The following EIF3H variants were observed in gnomAD, a reference collection of about 807,000 sequenced individuals.
The protein encoded by EIF3H is eukaryotic translation initiation factor 3 subunit H, also known as eIF-3-gamma.
In EIF3H, 26 loss-of-function variants were observed where a neutral mutation model predicts 44.2. That is an observed-to-expected ratio of 0.59 (90% CI 0.43 to 0.82). The LOEUF (loss-of-function observed/expected upper bound fraction) is 0.82, where lower values mean the gene tolerates loss of function less well. EIF3H is among the 40% of genes least tolerant of loss of function. EIF3H has a pLI of 0.00. For synonymous variants in EIF3H, 166 were observed against 151.9 expected (o/e 1.09, Z -0.68); for missense variants, 359 against 432.8 (o/e 0.83, Z 1.51).
intron 2 of EIF3H, among the ~76,000 whole-genome samples, chr8:116,667,039 G>A (rs528728472): frequency 6.6e-6 from 1 of 152,274 alleles, no homozygotes; most frequent in South Asian, 2.1e-4. Flanking sequence ...ACCATACAAG[G>A]TGATAAGTAA....
intron 2 of EIF3H, among the ~76,000 whole-genome samples, chr8:116,698,309 C>A (rs748694604): frequency 6.6e-6 from 1 of 152,066 alleles, no homozygotes; most frequent in Non-Finnish European, 1.5e-5. Flanking sequence ...GTACAATTTT[C>A]CAGATACTCA....
At chr8:116,743,690 G>C (rs942891975) in intron 1 of EIF3H, among the ~76,000 whole-genome samples, 1 of 150,456 alleles carries the variant, frequency 6.6e-6, no homozygotes, top group Non-Finnish European at 1.5e-5. Flanking sequence ...CCCCAGAGGT[G>C]GAGGCTGCAG....
At chr8:116,694,043 C>T (rs914057826) in intron 2 of EIF3H, among the ~76,000 whole-genome samples, 1 of 152,132 alleles carries the variant, frequency 6.6e-6, no homozygotes, top group Non-Finnish European at 1.5e-5. Flanking sequence ...TTAAACATTC[C>T]TATAATACTC....
chr8:116,650,988 A>G (rs1193010360), intron 5 of EIF3H, among the ~76,000 whole-genome samples: 1 of 152,184 alleles, frequency 6.6e-6, no homozygotes, highest in Non-Finnish European at 1.5e-5. Flanking sequence ...GAAAGTGACT[A>G]GAGGCTGCCA....
intron 5 of EIF3H, among the ~76,000 whole-genome samples, chr8:116,651,624 G>A (rs900901568): frequency 4.7e-4 from 71 of 152,262 alleles, no homozygotes; most frequent in African/African-American, 1.6e-3. Flanking sequence ...GGAATCAAGT[G>A]CTTCTTTCAT....
rs1158091907 is a variant in EIF3H at position 116,714,457 on chromosome 8, G to A, written c.289+11559C>T. ...TTAAAATCTTCTGAGGCAGTAAGCA[G>A]GATTTGGTGTCTTTGTATCTTTTTT... is the stretch of plus-strand genomic sequence containing the variant. On this transcript the variant is annotated intron_variant, in intron 2 of 7. Coordinates refer to ENST00000521861, the MANE Select transcript of EIF3H (RefSeq NM_003756.3). Among the ~76,000 whole-genome samples, 3 of 152,044 alleles carry A rather than the reference G, an allele frequency of 2.0e-5. No individual in the cohort carries two copies. The East Asian group carries it at 5.8e-4, about 29-fold the overall frequency.
At chr8:116,650,795 C>T (rs139454356) in intron 5 of EIF3H, among the ~76,000 whole-genome samples, 1,794 of 152,184 alleles carry the variant, frequency 0.012, 38 homozygotes, top group African/African-American at 0.04. Flanking sequence ...TACAGGCATG[C>T]GCCACCACAC....
chr8:116,645,206 T>C (rs781106608), intron 7 of EIF3H, 103 bp from the exon 8 acceptor site: 20 of 834,194 alleles, frequency 2.4e-5, no homozygotes, highest in Non-Finnish European at 3.9e-5. Flanking sequence ...GAATCACCTG[T>C]TTATTGTTTT....
intron 1 of EIF3H, among the ~76,000 whole-genome samples, chr8:116,748,536 GATTTTCAAGAAA>G: frequency 6.6e-6 from 1 of 152,302 alleles, no homozygotes; most frequent in Middle Eastern, 3.4e-3. Context: ...CTTCATGATT[GATTTTCAAGAAA>G]ATTTCCACAC....
chr8:116,743,799 AACACACACACACACAC>A (rs368555154), intron 1 of EIF3H, among the ~76,000 whole-genome samples: 2 of 87,072 alleles, frequency 2.3e-5, no homozygotes, highest in African/African-American at 7.7e-5. Context: ...TATATATATA[AACACACACACACACAC>A]ACACACACAC....
intron 2 of EIF3H, among the ~76,000 whole-genome samples, chr8:116,698,793 G>A (rs112809212): frequency 8.5e-4 from 129 of 152,012 alleles, no homozygotes; most frequent in African/African-American, 2.8e-3. Context: ...TTTCTACTGA[G>A]ACATAAATCA....
intron 2 of EIF3H, among the ~76,000 whole-genome samples, chr8:116,700,742 T>C (rs943875839): frequency 2.0e-5 from 3 of 152,212 alleles, no homozygotes; most frequent in African/African-American, 7.2e-5. Context: ...AAGTTAAATT[T>C]AGCATGGTTG....
chr8:116,765,462 A>G (rs1193295822), intron 1 of EIF3H: 1 of 152,200 alleles, frequency 6.6e-6, no homozygotes, highest in Non-Finnish European at 1.5e-5. Context: ...GACAGATTCC[A>G]GGCAAGGACA....
intron 2 of EIF3H, among the ~76,000 whole-genome samples, chr8:116,695,980 T>C (rs1814263693): frequency 1.3e-5 from 2 of 152,214 alleles, no homozygotes; most frequent in Non-Finnish European, 2.9e-5. Context: ...TCAATATAAA[T>C]AAATACAGAA....
chr8:116,692,201 G>A (rs927768319), intron 2 of EIF3H, among the ~76,000 whole-genome samples: 14 of 152,268 alleles, frequency 9.2e-5, no homozygotes, highest in Admixed American at 2.6e-4. Flanking sequence ...ATGCAACTCT[G>A]CAGGCACTCT....
At chr8:116,722,144 T>G (rs1814757483) in intron 2 of EIF3H, among the ~76,000 whole-genome samples, 1 of 152,154 alleles carries the variant, frequency 6.6e-6, no homozygotes, top group South Asian at 2.1e-4. Flanking sequence ...GGAAGATAAC[T>G]GAATCACGGG....
chr8:116,731,826 T>G, intron 1 of EIF3H, among the ~76,000 whole-genome samples: 1 of 152,234 alleles, frequency 6.6e-6, no homozygotes, highest in East Asian at 1.9e-4. Context: ...ATGAGGATTC[T>G]TCCATGAATT....
chr8:116,751,724 A>T (rs1815347865), intron 1 of EIF3H, among the ~76,000 whole-genome samples: 1 of 152,242 alleles, frequency 6.6e-6, no homozygotes, highest in Admixed American at 6.5e-5. Context: ...AGATAAGAAT[A>T]CCTTAAAGAA....
chr8:116,713,371 C>G (rs1038156846), intron 2 of EIF3H, among the ~76,000 whole-genome samples: 2 of 152,042 alleles, frequency 1.3e-5, no homozygotes, highest in South Asian at 4.1e-4. Flanking sequence ...TTTCTTTAAG[C>G]AGAAAAATCT....
Sources: gnomAD v4.1 joint callset for allele counts (sites outside exome capture counted in the v4.1 genomes callset) on GRCh38, gnomAD v4.1.1 for gene constraint, MANE v1.5 for transcripts, NCBI Gene and HGNC (gene_info 2026-07-23, HGNC 2026-07-21) for gene names.